SPATS2L: variants seen among roughly 807,000 people sequenced by gnomAD.
The protein encoded by SPATS2L is SPATS2-like protein.
A neutral mutation model predicts 59.6 loss-of-function variants in SPATS2L; 30 were observed. The ratio of observed to expected loss-of-function variants is 0.50; its 90% CI spans 0.38 to 0.68. The LOEUF (loss-of-function observed/expected upper bound fraction) is 0.68, where lower values mean the gene tolerates loss of function less well. SPATS2L is among the 30% of genes least tolerant of loss of function. SPATS2L has a pLI of 0.00. For missense variants in SPATS2L, 615 were observed against 700.0 expected, an observed-to-expected ratio of 0.88 and a Z score of 1.37; for synonymous variants, 252 against 263.5, an observed-to-expected ratio of 0.96 and a Z score of 0.42.
intron 4 of SPATS2L, among the ~76,000 whole-genome samples, chr2:200,413,576 T>G (rs116183673): frequency 0.02 from 3,123 of 152,350 alleles, 36 homozygotes; most frequent in Non-Finnish European, 0.034. Flanking sequence ...CTACACATAA[T>G]CTGTCAAATA....
chr2:200,368,888 T>C (rs2081340308), intron 2 of SPATS2L, among the ~76,000 whole-genome samples: 2 of 152,160 alleles, frequency 1.3e-5, no homozygotes, highest in Non-Finnish European at 2.9e-5. Flanking sequence ...GTTTTACATA[T>C]ACATATATAA....
At chr2:200,391,592 T>G (rs2082174100) in intron 3 of SPATS2L, among the ~76,000 whole-genome samples, 1 of 152,212 alleles carries the variant, frequency 6.6e-6, no homozygotes, top group African/African-American at 2.4e-5. Context: ...GTTGGAAGGT[T>G]TTAAGCTGGA....
chr2:200,457,299 G>A (rs2085913043), intron 8 of SPATS2L, among the ~76,000 whole-genome samples: 1 of 151,846 alleles, frequency 6.6e-6, no homozygotes, highest in South Asian at 2.1e-4. Flanking sequence ...ACTTGGCAGA[G>A]AAGCTCATAA....
chr2:200,470,114 G>C lies in SPATS2L; in HGVS notation c.1060+98G>C, dbSNP rs998301120. 1.0e-5 allele frequency: 9 copies of C among 895,390 alleles called. No homozygotes were observed. In the African/African-American group the frequency reaches 1.5e-4, roughly 15 times the overall value. The allele number at this position is 895,390 out of a possible 1,614,324, so 55.5% of individuals were successfully genotyped here. On this transcript the variant is annotated intron_variant, in intron 11 of 12. Transcript: ENST00000409140. ...GTCAGGTGTGCAGTCCCCCCAGGGG[G>C]CTAACGTGAGGTCTAAAGAGATTTA... is the stretch of plus-strand genomic sequence containing the variant.
rs1426735962 is a variant in SPATS2L at position 200,439,160 on chromosome 2, G to A, written c.484G>A (p.Gly162Arg). The A allele has an allele frequency of 6.2e-7, 1 of 1,613,558 alleles. No individual in the cohort carries two copies. Among genetic ancestry groups the A allele is most frequent in the Non-Finnish European group, 8.5e-7 (1 of 1,179,724 alleles). The part of the protein sequence containing the change: ...RLLQQKLSLD[G>R]NPKPIHGTTE... ...ACTGCAACAGAAACTATCCTTAGATGGGAACCCCAAACCTATACATGGAAC... is the reference window on the plus strand; with the variant it reads ...ACTGCAACAGAAACTATCCTTAGATAGGAACCCCAAACCTATACATGGAAC... The change falls in exon 7 of 13, where the codon GGG becomes AGG. Residue 162 changes from glycine (G) to arginine (R), a missense_variant. Physicochemically the swap from Gly to Arg is moderately radical, Grantham distance 125. Coordinates refer to ENST00000409140, the MANE Select transcript of SPATS2L (RefSeq NM_001100423.2).
intron 2 of SPATS2L, among the ~76,000 whole-genome samples, chr2:200,334,075 C>T: frequency 6.6e-6 from 1 of 152,166 alleles, no homozygotes; most frequent in Non-Finnish European, 1.5e-5. Context: ...GAGGAATCGC[C>T]ACACTGTCTT....
intron 2 of SPATS2L, among the ~76,000 whole-genome samples, chr2:200,360,383 C>T (rs1299963232): frequency 6.6e-6 from 1 of 152,182 alleles, no homozygotes; most frequent in Non-Finnish European, 1.5e-5. Context: ...CATGGTTTGC[C>T]AATACTTCGC....
At chr2:200,330,583 C>G (rs139897888) in intron 2 of SPATS2L, among the ~76,000 whole-genome samples, 1 of 152,316 alleles carries the variant, frequency 6.6e-6, no homozygotes, top group African/African-American at 2.4e-5. Context: ...GCTTAGTTTT[C>G]CTTTGGTTAG....
At chr2:200,458,939 TG>T (rs1335890780) in intron 8 of SPATS2L, among the ~76,000 whole-genome samples, 1 of 152,240 alleles carries the variant, frequency 6.6e-6, no homozygotes, top group East Asian at 1.9e-4. Flanking sequence ...TCACCCACCC[TG>T]GGGATTTTCC....
chr2:200,306,052 C>A, upstream of SPATS2L: 1 of 985,364 alleles, frequency 1.0e-6, no homozygotes, highest in Non-Finnish European at 1.2e-6. Flanking sequence ...ACGTTTGGAG[C>A]CCAGTGTGCA....
chr2:200,383,014 T>C (rs2081875194), intron 2 of SPATS2L, among the ~76,000 whole-genome samples: 1 of 152,196 alleles, frequency 6.6e-6, no homozygotes, highest in Non-Finnish European at 1.5e-5. Flanking sequence ...GAGACACTAG[T>C]AGTTCTCACG....
intron 2 of SPATS2L, among the ~76,000 whole-genome samples, chr2:200,374,215 CTT>C (rs2081524670): frequency 6.6e-6 from 1 of 152,134 alleles, no homozygotes; most frequent in African/African-American, 2.4e-5. Context: ...TATTAACTGA[CTT>C]TTGTGTGCTA....
intron 2 of SPATS2L, among the ~76,000 whole-genome samples, chr2:200,384,974 G>A (rs370756705): frequency 1.3e-5 from 2 of 152,146 alleles, no homozygotes; most frequent in Non-Finnish European, 2.9e-5. Context: ...ACATGTATTC[G>A]TGGACTTGAA....
chr2:200,479,285 G>C lies in SPATS2L; in HGVS notation c.*1254G>C. ...CAGAATTGTGGCAAAGGGCCACCAT[G>C]CTCTTAAGACTCAAGTCTATTTTCC... On this transcript the variant is annotated 3_prime_UTR_variant, in exon 13 of 13. Transcript: ENST00000409140. 3.0e-6 allele frequency: 1 copy of C among 333,304 alleles called. No homozygotes were observed. The highest frequency in any genetic ancestry group is 5.4e-6 in the Non-Finnish European group (1 of 184,976). The allele number at this position is 333,304 out of a possible 1,614,324, so 20.6% of individuals were successfully genotyped here. A position where few individuals can be genotyped will look rare whatever the true frequency, so the allele number is the denominator to read the frequency against.
intron 1 of SPATS2L, among the ~76,000 whole-genome samples, chr2:200,309,479 CT>C (rs1047163486): frequency 6.6e-6 from 1 of 152,188 alleles, no homozygotes; most frequent in Non-Finnish European, 1.5e-5. Flanking sequence ...TTCTGTAGCA[CT>C]TTTACTGTCA....
Position 200,306,882 on chromosome 2 carries a change from G to T in SPATS2L, c.-113G>T. ...CCTGGCGACCGCGCCCCCGGGCCCC[G>T]GCTCCGGCCCGGGACGGAGGAGCCG... On this transcript the variant is annotated 5_prime_UTR_variant, in exon 1 of 13. Coordinates refer to ENST00000409140, the MANE Select transcript of SPATS2L (RefSeq NM_001100423.2). The T allele has an allele frequency of 3.1e-6, 3 of 980,792 alleles. No homozygotes were observed. The highest frequency in any genetic ancestry group is 3.6e-6 in the Non-Finnish European group (3 of 828,082). 60.8% of individuals were successfully genotyped at this position (980,792 alleles called of 1,614,324 possible).
At chr2:200,326,901 ATTTTTTTTTT>A (rs755351538) in intron 1 of SPATS2L, among the ~76,000 whole-genome samples, 5 of 99,074 alleles carry the variant, frequency 5.0e-5, no homozygotes, top group African/African-American at 1.5e-4. Flanking sequence ...TGCCCGGCTA[ATTTTTTTTTT>A]TTTTTTTTTT....
chr2:200,330,175 G>A (rs998215774), intron 2 of SPATS2L, among the ~76,000 whole-genome samples: 1 of 41,252 alleles, frequency 2.4e-5, no homozygotes, highest in African/African-American at 4.9e-5. Context: ...TGTATGCAAG[G>A]CAAACTTACA....
intron 2 of SPATS2L, among the ~76,000 whole-genome samples, chr2:200,371,475 G>A (rs1051617997): frequency 2.0e-5 from 3 of 152,146 alleles, no homozygotes; most frequent in Non-Finnish European, 2.9e-5. Flanking sequence ...AGCTCTTTTA[G>A]GATGCATGGA....
Sources: allele counts gnomAD v4.1 joint callset (sites outside exome capture counted in the v4.1 genomes callset), GRCh38; gene constraint gnomAD v4.1.1; transcripts MANE v1.5; gene names NCBI Gene and HGNC (gene_info 2026-07-23, HGNC 2026-07-21).